Variants in GUCY1A2 observed in about 807,000 individuals in gnomAD.
GUCY1A2 encodes guanylate cyclase 1 soluble subunit alpha 2, also known as guanylate cyclase soluble subunit alpha-2.
In GUCY1A2, 27 loss-of-function variants were observed where a neutral mutation model predicts 63.5. The ratio of observed to expected loss-of-function variants is 0.43; its 90% CI spans 0.31 to 0.59. The LOEUF (loss-of-function observed/expected upper bound fraction) is 0.59. Ranked by LOEUF, GUCY1A2 falls within the 20% of genes least tolerant of loss-of-function variation. GUCY1A2 has a pLI of 0.11. For missense variants in GUCY1A2, 768 were observed against 913.3 expected, an observed-to-expected ratio of 0.84 and a Z score of 2.05; for synonymous variants, 364 against 343.5, an observed-to-expected ratio of 1.06 and a Z score of -0.66.
intron 5 of GUCY1A2, among the ~76,000 whole-genome samples, chr11:106,800,248 G>A (rs540153344): frequency 1.3e-5 from 2 of 152,170 alleles, no homozygotes; most frequent in African/African-American, 4.8e-5. Flanking sequence ...ACAGGTGCTG[G>A]AGAGGATGTG....
At chr11:106,890,102 A>G (rs538388911) in intron 4 of GUCY1A2, among the ~76,000 whole-genome samples, 3 of 152,232 alleles carry the variant, frequency 2.0e-5, no homozygotes, top group East Asian at 1.9e-4. Flanking sequence ...TAAGTATTCC[A>G]GTTAAGTAGT....
chr11:106,968,014 A>C (rs187117295), intron 3 of GUCY1A2, among the ~76,000 whole-genome samples: 2 of 152,326 alleles, frequency 1.3e-5, no homozygotes, highest in African/African-American at 4.8e-5. Flanking sequence ...AGACAGAAAG[A>C]AACACAGGAT....
intron 7 of GUCY1A2, among the ~76,000 whole-genome samples, chr11:106,701,043 C>T (rs1425310089): frequency 6.6e-6 from 1 of 151,830 alleles, no homozygotes; most frequent in Non-Finnish European, 1.5e-5. Context: ...AAAACTATAC[C>T]CAAGGAATGT....
At chr11:106,797,895 A>G (rs889217696) in intron 5 of GUCY1A2, among the ~76,000 whole-genome samples, 4 of 152,178 alleles carry the variant, frequency 2.6e-5, no homozygotes, top group African/African-American at 9.6e-5. Context: ...AAGCTAGCAG[A>G]AGGCAAGAAA....
chr11:106,786,984 A>G (rs1864566501), intron 5 of GUCY1A2, among the ~76,000 whole-genome samples: 1 of 152,338 alleles, frequency 6.6e-6, no homozygotes, highest in African/African-American at 2.4e-5. Context: ...TATTTTGAAT[A>G]AACACATAAG....
chr11:106,770,392 T>C (rs933209924), intron 6 of GUCY1A2, among the ~76,000 whole-genome samples: 27 of 152,162 alleles, frequency 1.8e-4, no homozygotes, highest in East Asian at 3.9e-4. Context: ...TGACCCACAG[T>C]TGGCTGAATC....
chr11:106,775,575 T>A (rs1034125658), intron 6 of GUCY1A2, among the ~76,000 whole-genome samples: 8 of 152,290 alleles, frequency 5.3e-5, no homozygotes, highest in South Asian at 4.1e-4. Flanking sequence ...AAATATTTTT[T>A]AATATATTTA....
intron 1 of GUCY1A2, among the ~76,000 whole-genome samples, chr11:107,016,259 G>T (rs970345927): frequency 6.6e-6 from 1 of 152,246 alleles, no homozygotes; most frequent in Non-Finnish European, 1.5e-5. Flanking sequence ...TCCTAGGGGT[G>T]GGCAGGTGAA....
intron 2 of GUCY1A2, among the ~76,000 whole-genome samples, chr11:106,985,291 G>A (rs11823197): frequency 0.018 from 2,780 of 152,252 alleles, 76 homozygotes; most frequent in African/African-American, 0.063. Flanking sequence ...TGCCTCTAAT[G>A]TCAATAAATT....
intron 4 of GUCY1A2, among the ~76,000 whole-genome samples, chr11:106,931,239 T>G (rs1271828177): frequency 6.6e-6 from 1 of 152,144 alleles, no homozygotes; most frequent in South Asian, 2.1e-4. Context: ...ATTACACCAA[T>G]GACTAAAAAG....
At chr11:106,702,127 T>C (rs1157666337) in intron 7 of GUCY1A2, among the ~76,000 whole-genome samples, 1 of 152,044 alleles carries the variant, frequency 6.6e-6, no homozygotes, top group African/African-American at 2.4e-5. Flanking sequence ...ACAAAGATAA[T>C]CACAATTCAG....
At chr11:106,815,195 G>A (rs994527921) in intron 4 of GUCY1A2, among the ~76,000 whole-genome samples, 1 of 151,990 alleles carries the variant, frequency 6.6e-6, no homozygotes, top group Non-Finnish European at 1.5e-5. Flanking sequence ...ACAGAGGATA[G>A]AATCAGTGAA....
intron 3 of GUCY1A2, among the ~76,000 whole-genome samples, chr11:106,964,663 T>C (rs1861103675): frequency 6.6e-6 from 1 of 152,124 alleles, no homozygotes; most frequent in Non-Finnish European, 1.5e-5. Flanking sequence ...AGACACAGAA[T>C]AATCATTGGC....
intron 4 of GUCY1A2, among the ~76,000 whole-genome samples, chr11:106,938,551 A>G (rs1308996170): frequency 6.6e-6 from 1 of 152,168 alleles, no homozygotes; most frequent in Non-Finnish European, 1.5e-5. Flanking sequence ...CCTAGTACAA[A>G]ATGTTGAAAA....
chr11:106,891,457 C>A (rs1227749340), intron 4 of GUCY1A2, among the ~76,000 whole-genome samples: 1 of 151,928 alleles, frequency 6.6e-6, no homozygotes, highest in African/African-American at 2.4e-5. Context: ...AATTTAATTT[C>A]TAATTGTTTT....
intron 3 of GUCY1A2, among the ~76,000 whole-genome samples, chr11:106,961,173 C>T (rs1159310809): frequency 6.6e-6 from 1 of 151,972 alleles, no homozygotes; most frequent in Non-Finnish European, 1.5e-5. Flanking sequence ...TGCCACTCAC[C>T]CTCCTGAAAT....
intron 4 of GUCY1A2, among the ~76,000 whole-genome samples, chr11:106,908,900 G>A (rs533597181): frequency 3.3e-5 from 5 of 152,076 alleles, no homozygotes; most frequent in South Asian, 2.1e-4. Flanking sequence ...GGGATCATAT[G>A]TTCCACAAAA....
At chr11:106,722,403 G>T (rs1342899307) in intron 6 of GUCY1A2, among the ~76,000 whole-genome samples, 1 of 150,270 alleles carries the variant, frequency 6.7e-6, no homozygotes, top group Non-Finnish European at 1.5e-5. Flanking sequence ...GCTGCAAAAA[G>T]AAAAAAAAAT....
At chr11:106,986,481 C>T (rs1222020419) in intron 1 of GUCY1A2, among the ~76,000 whole-genome samples, 1 of 152,118 alleles carries the variant, frequency 6.6e-6, no homozygotes, top group Non-Finnish European at 1.5e-5. Flanking sequence ...ACATGAGTCA[C>T]GGTTTTTCCT....
Sources: gnomAD v4.1 joint callset for allele counts (sites outside exome capture counted in the v4.1 genomes callset) on GRCh38, gnomAD v4.1.1 for gene constraint, MANE v1.5 for transcripts, NCBI Gene and HGNC (gene_info 2026-07-23, HGNC 2026-07-21) for gene names.